AFF3: variants seen among roughly 807,000 people sequenced by gnomAD.
AFF3 encodes the protein ALF transcription elongation factor 3.
A neutral mutation model predicts 129.7 loss-of-function variants in AFF3; 32 were observed. That is an observed-to-expected ratio of 0.25 (90% CI 0.19 to 0.33). The LOEUF is 0.33. Among genes scored for constraint, AFF3 ranks in the 10% least tolerant of loss-of-function variants. The probability of loss-of-function intolerance (pLI) is 1.00; values close to 1 mark genes in which losing one functional copy is unlikely to be tolerated. For synonymous variants in AFF3, 644 were observed against 635.4 expected, an observed-to-expected ratio of 1.01 and a Z score of -0.20; for missense variants, 1,373 against 1,592.0, an observed-to-expected ratio of 0.86 and a Z score of 2.34.
intron 13 of AFF3, among the ~76,000 whole-genome samples, chr2:99,630,062 T>G (rs900698435): frequency 7.2e-5 from 11 of 152,144 alleles, no homozygotes; most frequent in Non-Finnish European, 1.6e-4. Context: ...GGGGCAAGTG[T>G]CCCCACACCT....
chr2:99,663,952 C>A (rs1004310393), intron 12 of AFF3, among the ~76,000 whole-genome samples: 1 of 152,200 alleles, frequency 6.6e-6, no homozygotes, highest in Non-Finnish European at 1.5e-5. Context: ...TTGTGTCCAA[C>A]CTCCCAAGCT....
At chr2:99,653,346 A>G (rs1685450034) in intron 12 of AFF3, among the ~76,000 whole-genome samples, 1 of 152,164 alleles carries the variant, frequency 6.6e-6, no homozygotes, top group Non-Finnish European at 1.5e-5. Context: ...GTTCAATAGA[A>G]ACCTTCAACA....
chr2:99,760,662 C>T (rs1214770946), intron 8 of AFF3, among the ~76,000 whole-genome samples: 1 of 152,148 alleles, frequency 6.6e-6, no homozygotes, highest in Non-Finnish European at 1.5e-5. Context: ...TGCTGCTTTG[C>T]CTCTATTGAC....
intron 7 of AFF3, among the ~76,000 whole-genome samples, chr2:99,956,928 T>A (rs868192547): frequency 6.6e-6 from 1 of 152,190 alleles, no homozygotes; most frequent in African/African-American, 2.4e-5. Flanking sequence ...AGGTTAAGCA[T>A]AAAACAAAAT....
At chr2:99,957,860 C>T (rs551629902) in intron 7 of AFF3, among the ~76,000 whole-genome samples, 21 of 152,300 alleles carry the variant, frequency 1.4e-4, no homozygotes, top group African/African-American at 5.1e-4. Context: ...CTAAAGCAGG[C>T]AGCAGGCCTG....
At chr2:99,983,537 G>A (rs1366930576) in intron 7 of AFF3, among the ~76,000 whole-genome samples, 1 of 152,178 alleles carries the variant, frequency 6.6e-6, no homozygotes, top group Non-Finnish European at 1.5e-5. Flanking sequence ...GCAGCGACTT[G>A]ACCTTCAAGG....
chr2:99,751,272 T>A (rs1239266636), intron 9 of AFF3, among the ~76,000 whole-genome samples: 3 of 152,152 alleles, frequency 2.0e-5, no homozygotes, highest in Non-Finnish European at 4.4e-5. Flanking sequence ...TTTGTATTTT[T>A]AGTAGAGATT....
chr2:99,630,526 A>G (rs950276802), intron 13 of AFF3: 1 of 152,276 alleles, frequency 6.6e-6, no homozygotes, highest in Non-Finnish European at 1.5e-5. Flanking sequence ...GAGAGGGGCC[A>G]GGTATATTAG....
intron 8 of AFF3, among the ~76,000 whole-genome samples, chr2:99,811,212 A>C (rs1052980252): frequency 6.6e-6 from 1 of 152,224 alleles, no homozygotes; most frequent in Non-Finnish European, 1.5e-5. Flanking sequence ...ACCTTATGTA[A>C]GATCATCTAT....
At chr2:99,629,658 C>T (rs2105376713) in intron 13 of AFF3, among the ~76,000 whole-genome samples, 1 of 152,250 alleles carries the variant, frequency 6.6e-6, no homozygotes, top group East Asian at 1.9e-4. Flanking sequence ...GTTTAAACAA[C>T]AGACATTTAT....
At chr2:99,632,804 T>G (rs1341162805) in intron 13 of AFF3, among the ~76,000 whole-genome samples, 1 of 152,238 alleles carries the variant, frequency 6.6e-6, no homozygotes, top group Non-Finnish European at 1.5e-5. Context: ...GTAATTAAAA[T>G]GATTTTGATT....
intron 12 of AFF3, among the ~76,000 whole-genome samples, chr2:99,654,244 T>C (rs910262660): frequency 7.9e-5 from 12 of 152,222 alleles, no homozygotes; most frequent in African/African-American, 2.7e-4. Flanking sequence ...CTCTACATCA[T>C]TAAAAATTTT....
intron 7 of AFF3, among the ~76,000 whole-genome samples, chr2:99,952,013 G>C (rs1166248432): frequency 6.6e-6 from 1 of 152,228 alleles, no homozygotes; most frequent in Non-Finnish European, 1.5e-5. Flanking sequence ...TGCTTAGAGA[G>C]CAAGAGGTAC....
chr2:100,012,056 G>A (rs192432342), intron 4 of AFF3, among the ~76,000 whole-genome samples: 14 of 152,114 alleles, frequency 9.2e-5, no homozygotes, highest in Admixed American at 2.6e-4. Flanking sequence ...AGTTCTACCC[G>A]CATAACCAGC....
chr2:100,073,308 G>A (rs1688343694), intron 4 of AFF3, among the ~76,000 whole-genome samples: 1 of 152,200 alleles, frequency 6.6e-6, no homozygotes, highest in South Asian at 2.1e-4. Flanking sequence ...ATGCACACAG[G>A]CAGAATGCCC....
chr2:99,867,225 T>A (rs1197286663), intron 7 of AFF3, among the ~76,000 whole-genome samples: 1 of 151,940 alleles, frequency 6.6e-6, no homozygotes, highest in Non-Finnish European at 1.5e-5. Flanking sequence ...GGTGAGAAAA[T>A]TAAAGTTAGC....
At chr2:99,971,732 C>T (rs189639403) in intron 7 of AFF3, among the ~76,000 whole-genome samples, 111 of 152,222 alleles carry the variant, frequency 7.3e-4, no homozygotes, top group African/African-American at 2.5e-3. Flanking sequence ...TAATGACTCA[C>T]CATCGAGCCC....
rs536585083 is a variant in AFF3, at chr2:99,672,668, T to C, written c.1092-79A>G. The C allele has an allele frequency of 1.1e-5, 15 of 1,337,484 alleles. No individual in the cohort carries two copies. The Admixed American group carries it at 2.0e-4, about 18-fold the overall frequency. 82.9% of individuals were successfully genotyped at this position (1,337,484 alleles called of 1,614,324 possible). A position where few individuals can be genotyped will look rare whatever the true frequency, so the allele number is the denominator to read the frequency against. Reference sequence around the variant, plus strand: ...AATAATTCAGCACCAAAATATCACCTTAATGTTGTTATTAGAGCAACATTT... The same window carrying C: ...AATAATTCAGCACCAAAATATCACCCTAATGTTGTTATTAGAGCAACATTT... On this transcript the variant is annotated intron_variant, in intron 11 of 24. Transcript: ENST00000672756.
At chr2:99,670,456 A>C (rs1043546062) in intron 12 of AFF3, among the ~76,000 whole-genome samples, 1 of 152,188 alleles carries the variant, frequency 6.6e-6, no homozygotes, top group Non-Finnish European at 1.5e-5. Flanking sequence ...TTTACGGTGC[A>C]AACTCTGATT....
Sources: allele counts gnomAD v4.1 joint callset (sites outside exome capture counted in the v4.1 genomes callset), GRCh38; gene constraint gnomAD v4.1.1; transcripts MANE v1.5; gene names NCBI Gene and HGNC (gene_info 2026-07-23, HGNC 2026-07-21).